The following COL27A1 variants were observed in gnomAD, a reference collection of about 807,000 sequenced individuals.
COL27A1 encodes collagen alpha-1(XXVII) chain.
In COL27A1, 106 loss-of-function variants were observed where a neutral mutation model predicts 251.3. The observed-to-expected ratio is 0.42, with a 90% CI of 0.36 to 0.50. The LOEUF is 0.50. Among genes scored for constraint, COL27A1 ranks in the 20% least tolerant of loss-of-function variants. The pLI is 0.00. For synonymous variants in COL27A1, 1,000 were observed against 986.3 expected (o/e 1.01, Z -0.26); for missense variants, 2,325 against 2,522.8 (o/e 0.92, Z 1.68).
rs558379555 is a variant in COL27A1, at chr9:114,240,249, C to T, written c.2757C>T (p.Gly919=). 8.7e-6 allele frequency: 14 copies of T among 1,606,642 alleles called. No individual in the cohort carries two copies. The highest frequency in any genetic ancestry group is 4.0e-5 in the African/African-American group (3 of 74,942). ...TCCCAGGAGACATCGGCCCCCCTGG[C>T]GACAATGGCCCAGAAGGCATGAAGG... ...EGFPGDIGPP[G]DNGPEGMKGK... Residue 919 remains glycine, a synonymous_variant, in exon 20 of 61, where the codon GGC becomes GGT. Coordinates refer to ENST00000356083, the MANE Select transcript of COL27A1 (RefSeq NM_032888.4).
chr9:114,243,701 A>G (rs1483793016), intron 23 of COL27A1, 141 bp downstream of exon 23: 1 of 648,522 alleles, frequency 1.5e-6, no homozygotes, highest in Non-Finnish European at 2.7e-6. Flanking sequence ...AAGTATTGGT[A>G]AGGGAGAAAA....
rs2135070469 is a variant in COL27A1, at chr9:114,167,816, C to T, written c.261C>T (p.Gly87=). ...TQRARLQAPT[G]TVIPAALGTE... is the part of the protein sequence containing the mutation. ...GGGCCCGGCTCCAGGCTCCCACGGG[C>T]ACCGTCATTCCTGCCGCCTTGGGCA... The change falls in exon 3 of 61, where the codon GGC becomes GGT. Residue 87 remains glycine (G), a synonymous_variant. Transcript: ENST00000356083. 1.2e-6 allele frequency: 2 copies of T among 1,613,478 alleles called. No individual in the cohort carries two copies. The highest frequency in any genetic ancestry group is 1.7e-6 in the Non-Finnish European group (2 of 1,179,966).
chr9:114,227,312 T>TG (rs33925853), intron 14 of COL27A1, among the ~76,000 whole-genome samples: 2 of 6,342 alleles, frequency 3.2e-4, no homozygotes, highest in African/African-American at 6.0e-4. Context: ...ACCTTGAGTG[T>TG]TTTTTTTTTT....
At chr9:114,208,891 A>G (rs1301392588) in intron 10 of COL27A1, among the ~76,000 whole-genome samples, 4 of 152,052 alleles carry the variant, frequency 2.6e-5, no homozygotes, top group African/African-American at 9.7e-5. Context: ...TGGGAAGGAC[A>G]TGCCTGGTGG....
intron 34 of COL27A1, among the ~76,000 whole-genome samples, chr9:114,268,619 G>A (rs1362594513): frequency 2.0e-5 from 3 of 152,174 alleles, no homozygotes; most frequent in East Asian, 1.9e-4. Flanking sequence ...ATAGTCTCAC[G>A]AGAGCTTGGG....
intron 60 of COL27A1, 62 bp downstream of exon 60, chr9:114,309,540 GA>G: frequency 7.9e-7 from 1 of 1,265,632 alleles, no homozygotes; most frequent in Non-Finnish European, 1.1e-6. Flanking sequence ...CACTTGTTTG[GA>G]AAAATGTGTT....
At position 114,242,218 on chromosome 9, in the gene COL27A1, C is replaced by T; in HGVS notation, c.2867C>T (p.Ala956Val). Residue 956 changes from alanine to valine, a missense_variant, in exon 22 of 61, where the codon GCC (alanine) becomes GTC (valine). Physicochemically the swap from Ala to Val is moderately conservative, Grantham distance 64 (BLOSUM62 0). This residue lies in a region of COL27A1 where 662 missense variants were observed against 795.3 expected (regional missense o/e 0.83). Coordinates refer to ENST00000356083, the MANE Select transcript of COL27A1 (RefSeq NM_032888.4). ...GDEGPMGPPG[A>V]PGLEGQPGRK... is the part of the protein sequence containing the mutation. ...GAGGGACCCATGGGGCCGCCAGGGG[C>T]CCCTGGCTTGGAGGTGAGTGTCACT... 6.2e-7 allele frequency: 1 copy of T among 1,609,734 alleles called. No homozygotes were observed. Among genetic ancestry groups the T allele is most frequent in the Non-Finnish European group, 8.5e-7 (1 of 1,178,356 alleles).
chr9:114,155,386 G>T (rs988111464), upstream of COL27A1, among the ~76,000 whole-genome samples: 1 of 152,098 alleles, frequency 6.6e-6, no homozygotes, highest in Non-Finnish European at 1.5e-5. The surrounding 1 kb of genome is among the most constrained non-coding windows in gnomAD (Gnocchi z 5.5). Flanking sequence ...TCCCATCGGG[G>T]CTGTAGTGGG....
At chr9:114,217,414 C>T (rs1316465134) in intron 12 of COL27A1, among the ~76,000 whole-genome samples, 1 of 151,646 alleles carries the variant, frequency 6.6e-6, no homozygotes, top group African/African-American at 2.4e-5. Flanking sequence ...TCAGGACTGT[C>T]TTGGGGCAGG....
Position 114,300,629 on chromosome 9 carries a change from C to A in COL27A1, c.4643C>A (p.Pro1548Gln). The change falls in exon 51 of 61, where the codon CCG becomes CAG. Residue 1548 changes from proline to glutamine, a missense_variant. By Grantham distance (76) the Pro-to-Gln change is moderately conservative. Around this residue, in one of 4 missense-constraint regions of COL27A1, gnomAD observed 327 missense variants for 442.8 expected, o/e 0.74. Coordinates refer to ENST00000356083, the MANE Select transcript of COL27A1 (RefSeq NM_032888.4). ...GMAGLFGPKG[P>Q]PGDIGFKGIQ... ...CCCTTTCTCTGCCTCCCACAGGGCC[C>A]GCCTGGAGACATTGGCTTCAAAGGC... The A allele has an allele frequency of 6.5e-7, 1 of 1,535,024 alleles. No individual in the cohort carries two copies. The highest frequency in any genetic ancestry group is 8.7e-7 in the Non-Finnish European group (1 of 1,144,008).
At chr9:114,282,826 C>T (rs1241574971) in intron 39 of COL27A1, among the ~76,000 whole-genome samples, 1 of 152,234 alleles carries the variant, frequency 6.6e-6, no homozygotes, top group Non-Finnish European at 1.5e-5. Flanking sequence ...TCCCCTGAAG[C>T]CCTCTATGGA....
At chr9:114,232,568 G>T (rs1272933202) in intron 16 of COL27A1, among the ~76,000 whole-genome samples, 3 of 152,224 alleles carry the variant, frequency 2.0e-5, no homozygotes, top group Admixed American at 2.0e-4. Flanking sequence ...GTGCAGGAGG[G>T]GTTCAGAGCA....
In COL27A1 at chr9:114,252,922, C is replaced by T. The variant is rs193109925; in HGVS notation, c.3131C>T (p.Pro1044Leu). ...MPGGMGTPGEPGPQGPPGSRG... is the reference protein window; with the variant it reads ...MPGGMGTPGELGPQGPPGSRG... ...GGTGGTATGGGGACCCCTGGAGAGC[C>T]TGGACCCCAGGTAAGCAAAGCCCTC... Residue 1044 changes from proline (P) to leucine (L), a missense_variant, in exon 27 of 61, where the codon CCT becomes CTT. Physicochemically the swap from Pro to Leu is moderately conservative, Grantham distance 98. Coordinates refer to ENST00000356083, the MANE Select transcript of COL27A1 (RefSeq NM_032888.4). The T allele has an allele frequency of 1.2e-6, 2 of 1,613,206 alleles. No individual in the cohort carries two copies. Among genetic ancestry groups the T allele is most frequent in the African/African-American group, 2.7e-5 (2 of 75,054 alleles).
intron 60 of COL27A1, among the ~76,000 whole-genome samples, chr9:114,310,068 C>G (rs1245201857): frequency 6.6e-6 from 1 of 151,926 alleles, no homozygotes; most frequent in Admixed American, 6.6e-5. Flanking sequence ...GGGAGCTAAG[C>G]TATGAAGACA....
At chr9:114,182,180 T>A (rs866281528) in intron 4 of COL27A1, among the ~76,000 whole-genome samples, 1,316 of 92,458 alleles carry the variant, frequency 0.014, 22 homozygotes, top group African/African-American at 0.039. Context: ...CTCTATAAAA[T>A]AATAATAATA....
chr9:114,306,887 A>C (rs1829090026), intron 58 of COL27A1, 199 bp downstream of exon 58: 1 of 604,106 alleles, frequency 1.7e-6, no homozygotes, highest in Non-Finnish European at 2.8e-6. Context: ...ATTTCAGTGC[A>C]AAGAGACAAG....
intron 2 of COL27A1, among the ~76,000 whole-genome samples, chr9:114,164,723 G>A (rs985000694): frequency 2.0e-5 from 3 of 152,196 alleles, no homozygotes; most frequent in African/African-American, 7.2e-5. Context: ...GTGAATAATA[G>A]TGAATAGTAT....
intron 28 of COL27A1, among the ~76,000 whole-genome samples, chr9:114,262,490 G>C (rs889462371): frequency 1.3e-5 from 2 of 152,208 alleles, no homozygotes; most frequent in African/African-American, 4.8e-5. Flanking sequence ...CTGTGTCCCT[G>C]CCTCTGGGGA....
chr9:114,284,897 C>G, intron 41 of COL27A1, 120 bp downstream of exon 41: 3 of 1,064,076 alleles, frequency 2.8e-6, no homozygotes, highest in Non-Finnish European at 4.3e-6. Flanking sequence ...TGGGGGCTCA[C>G]CCCCTGCAGC....
Sources: gnomAD v4.1 joint callset for allele counts (sites outside exome capture counted in the v4.1 genomes callset) on GRCh38, gnomAD v4.1.1 for gene constraint, gnomAD v4.1.1 regional missense constraint, Gnocchi (gnomAD v3.1) non-coding constraint, MANE v1.5 for transcripts, NCBI Gene and HGNC (gene_info 2026-07-23, HGNC 2026-07-21) for gene names.